Variants in CRIPTO observed in about 807,000 individuals in gnomAD.
CRIPTO encodes cripto, EGF-CFC family member.
chr3:46,579,821 C>A, the CRIPTO span: 1 of 1,613,940 alleles, frequency 6.2e-7, no homozygotes, highest in Non-Finnish European at 8.5e-7. Context: ...CCTCCTTCTA[C>A]GGACGGAACT....
At chr3:46,577,875 G>A in the CRIPTO span, 17 of 1,330,480 alleles carry the variant, frequency 1.3e-5, no homozygotes, top group Middle Eastern at 3.6e-4. Flanking sequence ...TGCCATTTTC[G>A]CTTTAGGAGA....
At chr3:46,578,836 C>A in the CRIPTO span, among the ~76,000 whole-genome samples, 1 of 151,964 alleles carries the variant, frequency 6.6e-6, no homozygotes, top group Non-Finnish European at 1.5e-5. Context: ...AAGACATATA[C>A]CTACTTAAAA....
the CRIPTO span, among the ~76,000 whole-genome samples, chr3:46,578,487 G>C: frequency 1.3e-5 from 2 of 152,236 alleles, no homozygotes; most frequent in East Asian, 3.9e-4. Flanking sequence ...GGCAGAGGCG[G>C]GTGGATCACC....
the CRIPTO span, chr3:46,581,098 T>C: frequency 6.6e-7 from 1 of 1,518,988 alleles, no homozygotes; most frequent in Admixed American, 1.7e-5. Context: ...GCCAGAGAGG[T>C]TTGCTTTAAT....
chr3:46,578,002 C>T, the CRIPTO span: 5 of 1,614,186 alleles, frequency 3.1e-6, no homozygotes, highest in Non-Finnish European at 4.2e-6. Flanking sequence ...GCTTCTCTTA[C>T]AGGTATGAGC....
chr3:46,578,097 T>A, the CRIPTO span: 1 of 1,424,632 alleles, frequency 7.0e-7, no homozygotes, highest in Non-Finnish European at 9.9e-7. Flanking sequence ...GATTTTTCTC[T>A]TGCTCAAGCC....
the CRIPTO span, chr3:46,577,335 G>A: frequency 1.9e-5 from 3 of 154,834 alleles, no homozygotes; most frequent in Non-Finnish European, 4.3e-5. Flanking sequence ...TATCCCCCAG[G>A]GGGAGTACGG....
the CRIPTO span, chr3:46,578,067 A>G: frequency 1.3e-6 from 2 of 1,536,100 alleles, no homozygotes; most frequent in East Asian, 2.2e-5. Flanking sequence ...TTAGGAAGTA[A>G]TGTTCTACAC....
the CRIPTO span, among the ~76,000 whole-genome samples, chr3:46,575,100 C>G: frequency 1.3e-5 from 2 of 152,226 alleles, no homozygotes; most frequent in African/African-American, 4.8e-5. Flanking sequence ...GGCTGGCCAG[C>G]AGCCCAGTTT....
At chr3:46,580,014 G>A in the CRIPTO span, 2 of 1,614,114 alleles carry the variant, frequency 1.2e-6, no homozygotes, top group African/African-American at 2.7e-5. Context: ...GTAAATGCTG[G>A]CACGGTCAGC....
At chr3:46,574,946 A>G in the CRIPTO span, among the ~76,000 whole-genome samples, 1 of 152,226 alleles carries the variant, frequency 6.6e-6, no homozygotes, top group Non-Finnish European at 1.5e-5. Context: ...AATGGCCAAC[A>G]CCAAGAGCAT....
At chr3:46,579,854 GT>G in the CRIPTO span, 1 of 1,614,162 alleles carries the variant, frequency 6.2e-7, no homozygotes, top group South Asian at 1.1e-5. Flanking sequence ...TGCGCAAAGA[GT>G]AAGCAATTCA....
At chr3:46,576,452 G>A in the CRIPTO span, among the ~76,000 whole-genome samples, 1 of 123,340 alleles carries the variant, frequency 8.1e-6, no homozygotes, top group Non-Finnish European at 1.6e-5. Flanking sequence ...TTGCACTCCA[G>A]CCCGGGTAAC....
At chr3:46,581,349 A>G in the CRIPTO span, 60 of 953,866 alleles carry the variant, frequency 6.3e-5, no homozygotes, top group African/African-American at 4.0e-4. Flanking sequence ...AAAGATGATC[A>G]TTTGTAGTTG....
the CRIPTO span, chr3:46,579,831 T>C: frequency 1.2e-6 from 2 of 1,614,024 alleles, no homozygotes; most frequent in East Asian, 2.2e-5. Context: ...CGGACGGAAC[T>C]GTGAGCACGA....
At chr3:46,580,349 G>A in the CRIPTO span, among the ~76,000 whole-genome samples, 5 of 152,164 alleles carry the variant, frequency 3.3e-5, no homozygotes, top group South Asian at 4.1e-4. Context: ...AACAAGTCTC[G>A]GTCTCTTGTT....
chr3:46,575,392 TCCCTTCCCCTTCTC>T, the CRIPTO span, among the ~76,000 whole-genome samples: 1 of 151,988 alleles, frequency 6.6e-6, no homozygotes, highest in African/African-American at 2.4e-5. Context: ...CCACAGCCCT[TCCCTTCCCCTTCTC>T]CCCACCCCCC....
At chr3:46,581,728 G>T in the CRIPTO span, 1 of 391,882 alleles carries the variant, frequency 2.6e-6, no homozygotes, top group Non-Finnish European at 4.5e-6. Context: ...GGCCAGTCTG[G>T]TCTCGAACTC....
the CRIPTO span, chr3:46,579,725 T>C: frequency 0.04 from 64,869 of 1,612,302 alleles, 2,504 homozygotes; most frequent in East Asian, 0.16. Flanking sequence ...CAGTCATCTG[T>C]TCTTACCTTT....
Sources: allele counts gnomAD v4.1 joint callset (sites outside exome capture counted in the v4.1 genomes callset), GRCh38; gene constraint gnomAD v4.1.1; transcripts MANE v1.5; gene names NCBI Gene and HGNC (gene_info 2026-07-23, HGNC 2026-07-21).